The following TPR variants were observed in gnomAD, a reference collection of about 807,000 sequenced individuals.
TPR encodes translocated promoter region, nuclear basket protein, also known as nucleoprotein TPR.
In TPR, 51 loss-of-function variants were observed where a neutral mutation model predicts 316.1. The ratio of observed to expected loss-of-function variants is 0.16; its 90% CI spans 0.13 to 0.20. The LOEUF (loss-of-function observed/expected upper bound fraction) is 0.20, where lower values mean the gene tolerates loss of function less well. Among genes scored for constraint, TPR ranks in the 10% least tolerant of loss-of-function variants. The pLI, the probability that TPR is intolerant of heterozygous loss-of-function variation, is 1.00. For synonymous variants in TPR, 981 were observed against 914.7 expected, an observed-to-expected ratio of 1.07 and a Z score of -1.31; for missense variants, 2,272 against 2,754.8, an observed-to-expected ratio of 0.82 and a Z score of 3.92.
At position 186,313,769 on chromosome 1, in the gene TPR, C is replaced by T. The variant is rs779215669; in HGVS notation, c.*202G>A. 6.2e-7 allele frequency: 1 copy of T among 1,601,450 alleles called. No individual in the cohort carries two copies. The highest frequency in any genetic ancestry group is 1.1e-5 in the South Asian group (1 of 90,828). ...AGACCTTATCCAAAGTCTGGTACAA[C>T]TGTCCTTAGACTGATGAGCAAAGGA... On this transcript the variant is annotated 3_prime_UTR_variant, in exon 51 of 51. Transcript: ENST00000367478.
chr1:186,333,409 T>C lies in TPR; in HGVS notation c.5183-15A>G, dbSNP rs775735201. On this transcript the variant is annotated splice_polypyrimidine_tract_variant and intron_variant, in intron 36 of 50. Transcript: ENST00000367478. Reference sequence around the variant, plus strand: ...TGACTGCATAGCTGAAAAATAATTATAATGCTGAATATAAGCCTTCTACTT... The same window carrying C: ...TGACTGCATAGCTGAAAAATAATTACAATGCTGAATATAAGCCTTCTACTT... The C allele has an allele frequency of 8.1e-6, 13 of 1,611,348 alleles. No individual in the cohort carries two copies. The highest frequency in any genetic ancestry group is 9.3e-6 in the Non-Finnish European group (11 of 1,178,456).
chr1:186,320,476 A>G, intron 45 of TPR, 58 bp from the exon 46 acceptor site: 2 of 1,424,810 alleles, frequency 1.4e-6, no homozygotes, highest in Non-Finnish European at 1.9e-6. Flanking sequence ...TTAAACCACA[A>G]TGGTGAAAAA....
intron 26 of TPR, 81 bp from the exon 27 acceptor site, chr1:186,343,554 C>A: frequency 7.6e-7 from 1 of 1,317,794 alleles, no homozygotes; most frequent in Admixed American, 2.3e-5. Context: ...GGTAAGATGA[C>A]AAAAATCATT....
intron 38 of TPR, 33 bp downstream of exon 38, chr1:186,332,162 A>G (rs1259913804): frequency 6.3e-7 from 1 of 1,583,862 alleles, no homozygotes; most frequent in South Asian, 1.2e-5. Flanking sequence ...TCTACTGGTA[A>G]AAGTTAAAAT....
intron 46 of TPR, among the ~76,000 whole-genome samples, chr1:186,320,094 G>A (rs1380883763): frequency 6.6e-6 from 1 of 152,090 alleles, no homozygotes; most frequent in Non-Finnish European, 1.5e-5. Context: ...TAATGTAAAA[G>A]CTAATCCTTA....
chr1:186,345,507 A>T, intron 24 of TPR, 73 bp downstream of exon 24: 1 of 1,199,420 alleles, frequency 8.3e-7, no homozygotes, highest in Non-Finnish European at 1.2e-6. Context: ...ACCAGTTCTT[A>T]TAATGCATAA....
chr1:186,325,681 A>C, intron 42 of TPR, 83 bp downstream of exon 42: 1 of 1,090,764 alleles, frequency 9.2e-7, no homozygotes, highest in East Asian at 2.6e-5. Context: ...CAATAAATAA[A>C]TTTATATATT....
chr1:186,368,123 A>T, intron 3 of TPR, 141 bp from the exon 4 acceptor site: 2 of 564,860 alleles, frequency 3.5e-6, no homozygotes, highest in Non-Finnish European at 6.1e-6. Context: ...AAGTTAAAAA[A>T]TACCCGTAAT....
At chr1:186,371,141 A>G in intron 2 of TPR, 98 bp from the exon 3 acceptor site, 1 of 920,162 alleles carries the variant, frequency 1.1e-6, no homozygotes, top group East Asian at 2.5e-5. Context: ...TAATAAATGA[A>G]AAAACAGAAG....
At chr1:186,353,531 C>T (rs915089091) in intron 18 of TPR, among the ~76,000 whole-genome samples, 157 bp downstream of exon 18, 1 of 152,232 alleles carries the variant, frequency 6.6e-6, no homozygotes, top group Non-Finnish European at 1.5e-5. Flanking sequence ...CCCACTAACG[C>T]ACACTGGCTA....
chr1:186,345,694 T>G lies in TPR; in HGVS notation c.3099A>C (p.Leu1033Phe). The G allele has an allele frequency of 6.2e-7, 1 of 1,603,042 alleles. No individual in the cohort carries two copies. Among genetic ancestry groups the G allele is most frequent in the Non-Finnish European group, 8.5e-7 (1 of 1,171,468 alleles). ...RRAIESMEQQ[L>F]SELKKTLSSV... ...TAGAAAGTGTTTTCTTCAATTCAGA[T>G]AACTAAGCAGAAAGAACAAGATTAA... The change falls in exon 24 of 51, where the codon TTA becomes TTC. Residue 1033 changes from leucine (L) to phenylalanine (F), a missense_variant and splice_region_variant. Physicochemically the swap from Leu to Phe is conservative, Grantham distance 22. Coordinates refer to ENST00000367478, the MANE Select transcript of TPR (RefSeq NM_003292.3).
chr1:186,328,266 G>A (rs1029537024), intron 39 of TPR, among the ~76,000 whole-genome samples: 4 of 152,072 alleles, frequency 2.6e-5, no homozygotes, highest in Admixed American at 6.6e-5. Context: ...GTGATATCGC[G>A]TATCAGTGCT....
chr1:186,312,227 T>C lies in TPR; in HGVS notation c.*1744A>G, dbSNP rs755610521. On this transcript the variant is annotated 3_prime_UTR_variant, in exon 51 of 51. Transcript: ENST00000367478. ...AACAGGAACCTGTACAGAAGTGCCC[T>C]GGAAGAAGGCCTGCTCTAAATTATC... The C allele has an allele frequency of 1.2e-6, 2 of 1,613,964 alleles. No individual in the cohort carries two copies. The highest frequency in any genetic ancestry group is 1.7e-6 in the Non-Finnish European group (2 of 1,179,970).
chr1:186,324,731 A>G (rs1657868132), intron 42 of TPR, among the ~76,000 whole-genome samples: 2 of 152,004 alleles, frequency 1.3e-5, no homozygotes, highest in Non-Finnish European at 2.9e-5. Context: ...ACTCAAATCC[A>G]TCCATTAATT....
At chr1:186,327,368 C>T in intron 40 of TPR, 92 bp downstream of exon 40, 1 of 1,056,850 alleles carries the variant, frequency 9.5e-7, no homozygotes, top group Non-Finnish European at 1.3e-6. Flanking sequence ...GACTGGGAAC[C>T]AGAATTTACA....
chr1:186,346,474 C>A (rs940967477), intron 22 of TPR, among the ~76,000 whole-genome samples, 187 bp from the exon 23 acceptor site: 1 of 152,136 alleles, frequency 6.6e-6, no homozygotes, highest in African/African-American at 2.4e-5. Flanking sequence ...AATCTACAAG[C>A]ATTTACCATT....
chr1:186,370,446 C>A (rs1659486494), intron 3 of TPR, among the ~76,000 whole-genome samples: 1 of 152,004 alleles, frequency 6.6e-6, no homozygotes, highest in South Asian at 2.1e-4. Flanking sequence ...TACTACGAGG[C>A]TTTTTTGCGC....
At chr1:186,370,026 A>G (rs1571642652) in intron 3 of TPR, among the ~76,000 whole-genome samples, 1 of 151,170 alleles carries the variant, frequency 6.6e-6, no homozygotes. Flanking sequence ...AAGATTAAGA[A>G]CCTCCGTATT....
chr1:186,358,057 C>T (rs16825248), intron 13 of TPR, among the ~76,000 whole-genome samples: 2 of 152,032 alleles, frequency 1.3e-5, no homozygotes, highest in Admixed American at 6.5e-5. Flanking sequence ...TACACACACA[C>T]AAATTAGGGT....
Sources: gnomAD v4.1 joint callset for allele counts (sites outside exome capture counted in the v4.1 genomes callset) on GRCh38, gnomAD v4.1.1 for gene constraint, MANE v1.5 for transcripts, NCBI Gene and HGNC (gene_info 2026-07-23, HGNC 2026-07-21) for gene names.